Variants in RBFOX1 observed in about 807,000 individuals in gnomAD.
The protein encoded by RBFOX1 is RNA binding fox-1 homolog 1.
A neutral mutation model predicts 57.7 loss-of-function variants in RBFOX1; 8 were observed. The observed-to-expected ratio is 0.14, with a 90% CI of 0.08 to 0.25. The LOEUF (loss-of-function observed/expected upper bound fraction) is 0.25, where lower values mean the gene tolerates loss of function less well. RBFOX1 is among the 10% of genes least tolerant of loss of function. The pLI is 1.00. For synonymous variants in RBFOX1, 326 were observed against 222.4 expected (o/e 1.47, Z -4.15); for missense variants, 611 against 548.5 (o/e 1.11, Z -1.14).
intron 2 of RBFOX1, among the ~76,000 whole-genome samples, chr16:6,552,190 A>G (rs953990921): frequency 6.6e-6 from 1 of 152,178 alleles, no homozygotes; most frequent in African/African-American, 2.4e-5. Flanking sequence ...AAATATACAT[A>G]CCTTTGAAAG....
chr16:6,767,364 TG>T (rs1567162755), intron 3 of RBFOX1, among the ~76,000 whole-genome samples: 1 of 152,152 alleles, frequency 6.6e-6, no homozygotes, highest in African/African-American at 2.4e-5. Context: ...CCCCTGAGAA[TG>T]TGGCCAACCT....
intron 2 of RBFOX1, among the ~76,000 whole-genome samples, chr16:6,379,204 C>T (rs2091529501): frequency 6.6e-6 from 1 of 152,060 alleles, no homozygotes. Flanking sequence ...GTAGAAGACC[C>T]AGCTGAGATT....
At chr16:7,515,867 C>A (rs926070961) in intron 4 of RBFOX1, among the ~76,000 whole-genome samples, 1 of 151,572 alleles carries the variant, frequency 6.6e-6, no homozygotes. Context: ...GTTGTTGAGA[C>A]GGAATCTTGC....
chr16:6,935,365 G>C (rs1412181095), intron 3 of RBFOX1, among the ~76,000 whole-genome samples: 1 of 152,118 alleles, frequency 6.6e-6, no homozygotes, highest in African/African-American at 2.4e-5. Context: ...CCCATGAATA[G>C]AATAGAATGT....
At chr16:7,112,654 T>C (rs561136943) in intron 4 of RBFOX1, among the ~76,000 whole-genome samples, 1 of 87,466 alleles carries the variant, frequency 1.1e-5, no homozygotes, top group East Asian at 3.4e-4. Flanking sequence ...GCAGCCTCAA[T>C]ATGTAAACTC....
intron 1 of RBFOX1, among the ~76,000 whole-genome samples, chr16:6,127,426 AT>A (rs2096597922): frequency 6.6e-6 from 1 of 152,130 alleles, no homozygotes; most frequent in Non-Finnish European, 1.5e-5. Flanking sequence ...TTTGAGCATT[AT>A]ATGCCAAGCC....
At chr16:7,192,059 G>A (rs958446677) in intron 4 of RBFOX1, among the ~76,000 whole-genome samples, 1 of 152,128 alleles carries the variant, frequency 6.6e-6, no homozygotes, top group Non-Finnish European at 1.5e-5. Context: ...TTGATGCCCT[G>A]TCTGTAGAAT....
At chr16:6,433,846 CTTTT>C (rs201617630) in intron 2 of RBFOX1, among the ~76,000 whole-genome samples, 7,578 of 127,142 alleles carry the variant, frequency 0.06, 673 homozygotes, top group African/African-American at 0.21. Flanking sequence ...TTTCATTTTT[CTTTT>C]TTTTTTTTTT....
In RBFOX1 at chr16:5,393,510, A is replaced by G. The variant is rs574591202; in HGVS notation, c.220-73706A>G. On this transcript the variant is annotated intron_variant, in intron 1 of 2. Coordinates refer to the RBFOX1 transcript ENST00000585867. ...AGGGAACTGGTGACCAGGGACATCC[A>G]TTAGACTGTCACTTTTGATGAATGG... 1.4e-4 allele frequency among the ~76,000 whole-genome samples: 22 copies of G among 152,300 alleles called. No individual in the cohort carries two copies. The South Asian group carries it at 4.1e-3, about 29-fold the overall frequency.
chr16:6,915,815 G>T (rs570004766), intron 3 of RBFOX1, among the ~76,000 whole-genome samples: 2 of 152,218 alleles, frequency 1.3e-5, no homozygotes, highest in Non-Finnish European at 2.9e-5. Flanking sequence ...GCCTCGCAAA[G>T]TCCTGTAATT....
At chr16:5,404,354 G>C (rs1238141568) in intron 1 of RBFOX1, among the ~76,000 whole-genome samples, 1 of 152,100 alleles carries the variant, frequency 6.6e-6, no homozygotes, top group Non-Finnish European at 1.5e-5. Flanking sequence ...ATTAGCAGGA[G>C]TCCCTCCAAA....
At chr16:7,142,586 C>A (rs1327556630) in intron 4 of RBFOX1, among the ~76,000 whole-genome samples, 1 of 152,176 alleles carries the variant, frequency 6.6e-6, no homozygotes, top group African/African-American at 2.4e-5. Context: ...ATATTATTTT[C>A]TCACTGGGAT....
At position 6,758,590 on chromosome 16, in the gene RBFOX1, C is replaced by A. The variant is rs559129345; in HGVS notation, c.-16+103940C>A. On this transcript the variant is annotated intron_variant, in intron 3 of 15. Coordinates refer to ENST00000550418, the MANE Select transcript of RBFOX1 (RefSeq NM_018723.4). ...CTAAAACATCCCAAACTGTACCAAG[C>A]AACTACATTTGATTGATTCTATAAT... Among the ~76,000 whole-genome samples, 26 of 152,250 alleles carry A rather than the reference C, an allele frequency of 1.7e-4. 1 individual carries two copies. Among genetic ancestry groups the A allele is most frequent in the African/African-American group, 5.8e-4 (24 of 41,550 alleles).
At chr16:5,504,911 G>C (rs974769056) in intron 2 of RBFOX1, among the ~76,000 whole-genome samples, 4 of 152,176 alleles carry the variant, frequency 2.6e-5, no homozygotes, top group Non-Finnish European at 4.4e-5. Context: ...TGTAGAGACA[G>C]ACAGTGAATC....
intron 4 of RBFOX1, among the ~76,000 whole-genome samples, chr16:7,114,406 A>G (rs2065441546): frequency 6.6e-6 from 1 of 152,148 alleles, no homozygotes; most frequent in East Asian, 1.9e-4. Flanking sequence ...GTATATGCTC[A>G]CTGTACCCTT....
chr16:6,505,853 G>A (rs1429872119), intron 2 of RBFOX1, among the ~76,000 whole-genome samples: 1 of 152,178 alleles, frequency 6.6e-6, no homozygotes, highest in Non-Finnish European at 1.5e-5. Flanking sequence ...TCAGTGTTGG[G>A]GTAAGGAGCT....
intron 3 of RBFOX1, among the ~76,000 whole-genome samples, chr16:5,673,195 T>G (rs1427729845): frequency 6.6e-6 from 1 of 151,848 alleles, no homozygotes; most frequent in Non-Finnish European, 1.5e-5. Context: ...GAAAATATAT[T>G]TAGAGCTCAT....
chr16:5,794,262 C>A (rs931124026), intron 3 of RBFOX1, among the ~76,000 whole-genome samples: 3 of 152,136 alleles, frequency 2.0e-5, no homozygotes, highest in Non-Finnish European at 4.4e-5. Context: ...CTTTTTCCTT[C>A]TCTTCCTCCT....
chr16:5,424,921 TTCTTTCTTTCTTTCTC>T (rs1461631423), intron 1 of RBFOX1, among the ~76,000 whole-genome samples: 1 of 103,898 alleles, frequency 9.6e-6, no homozygotes, highest in Non-Finnish European at 2.0e-5. Context: ...CTTTCTTTCT[TTCTTTCTTTCTTTCTC>T]TCTCTTCTTT....
Sources: gnomAD v4.1 joint callset for allele counts (sites outside exome capture counted in the v4.1 genomes callset) on GRCh38, gnomAD v4.1.1 for gene constraint, MANE v1.5 for transcripts, NCBI Gene and HGNC (gene_info 2026-07-23, HGNC 2026-07-21) for gene names.